HFM1: variants seen among roughly 807,000 people sequenced by gnomAD.
The protein encoded by HFM1 is helicase for meiosis 1.
Under a neutral mutation model 192.1 loss-of-function variants are expected in HFM1, and 169 were observed. The ratio of observed to expected loss-of-function variants is 0.88; its 90% CI spans 0.78 to 1.00. The LOEUF (loss-of-function observed/expected upper bound fraction) is 1.00, where lower values mean the gene tolerates loss of function less well. Ranked by LOEUF, HFM1 falls within the 50% of genes least tolerant of loss-of-function variation. HFM1 has a pLI of 0.00. For synonymous variants in HFM1, 525 were observed against 537.8 expected (o/e 0.98, Z 0.33); for missense variants, 1,661 against 1,668.0 (o/e 1.00, Z 0.07).
chr1:91,399,077 A>C (rs1664006037), intron 2 of HFM1, among the ~76,000 whole-genome samples: 2 of 152,120 alleles, frequency 1.3e-5, no homozygotes, highest in Admixed American at 1.3e-4. Flanking sequence ...AAGTTCTACT[A>C]TTTTATTCAT....
chr1:91,297,171 C>T (rs997003503), intron 30 of HFM1, among the ~76,000 whole-genome samples: 1 of 152,200 alleles, frequency 6.6e-6, no homozygotes, highest in African/African-American at 2.4e-5. Flanking sequence ...GAGGGTCCTA[C>T]AGCCACAGAG....
intron 13 of HFM1, among the ~76,000 whole-genome samples, chr1:91,354,834 G>T (rs1292596292): frequency 6.6e-6 from 1 of 152,064 alleles, no homozygotes; most frequent in Non-Finnish European, 1.5e-5. Flanking sequence ...TATAAGAAAT[G>T]ATTAAAGCAG....
At chr1:91,390,949 T>C (rs546974671) in intron 4 of HFM1, among the ~76,000 whole-genome samples, 138 of 152,226 alleles carry the variant, frequency 9.1e-4, no homozygotes, top group Non-Finnish European at 1.8e-3. Flanking sequence ...CAAGTATTCC[T>C]GTACACCAAT....
chr1:91,378,054 C>T lies in HFM1; in HGVS notation c.1366G>A (p.Val456Ile), dbSNP rs983941730. 1.9e-6 allele frequency: 3 copies of T among 1,612,150 alleles called. No individual in the cohort carries two copies. The highest frequency in any genetic ancestry group is 2.2e-5 in the South Asian group (2 of 90,914). Residue 456 changes from valine to isoleucine, a missense_variant, in exon 11 of 39, where the codon GTA (valine) becomes ATA (isoleucine). Val to Ile is a conservative substitution (Grantham distance 29). Coordinates refer to ENST00000370425, the MANE Select transcript of HFM1 (RefSeq NM_001017975.6). ...TCAGCATTTGGAATTGTTGCAGATA[C>T]AGCTACAAATCGCATTGGAATAGCA... is the stretch of plus-strand genomic sequence containing the variant. ...STAIPMRFVA[V>I]SATIPNAEDI...
At chr1:91,289,976 A>G (rs889511068) in intron 30 of HFM1, among the ~76,000 whole-genome samples, 2 of 152,152 alleles carry the variant, frequency 1.3e-5, no homozygotes, top group African/African-American at 4.8e-5. Context: ...GAGAAATAAA[A>G]TCCTTTACAG....
At chr1:91,362,219 C>T (rs904049342) in intron 13 of HFM1, among the ~76,000 whole-genome samples, 2 of 151,926 alleles carry the variant, frequency 1.3e-5, no homozygotes, top group East Asian at 1.9e-4. Flanking sequence ...GAAAGAAATA[C>T]AGGTATTTAA....
At chr1:91,264,575 G>A (rs867892822) in intron 36 of HFM1, among the ~76,000 whole-genome samples, 2 of 150,008 alleles carry the variant, frequency 1.3e-5, no homozygotes, top group Non-Finnish European at 3.0e-5. Flanking sequence ...GGGTTTCACC[G>A]TGTTAGCCAG....
rs544104445 is a variant in HFM1 at position 91,387,906 on chromosome 1, T to TA, written c.495-2073dup. On this transcript the variant is annotated intron_variant, in intron 4 of 38. Coordinates refer to ENST00000370425, the MANE Select transcript of HFM1 (RefSeq NM_001017975.6). ...CAATGTGCACATGTACCCTAAAACT[T>TA]AGAGTATAATTAAAAAAAAAAAATT... 3.2e-3 allele frequency among the ~76,000 whole-genome samples: 436 copies of TA among 135,918 alleles called. 2 individuals are homozygous for TA. The highest frequency in any genetic ancestry group is 0.011 in the African/African-American group (401 of 35,792). 89.2% of individuals were successfully genotyped at this position (135,918 alleles called of 152,430 possible). A position where few individuals can be genotyped will look rare whatever the true frequency, so the allele number is the denominator to read the frequency against.
At chr1:91,352,978 T>C (rs1223642684) in intron 15 of HFM1, 73 bp downstream of exon 15, 1 of 962,718 alleles carries the variant, frequency 1.0e-6, no homozygotes, top group Non-Finnish European at 1.6e-6. Context: ...CACTTGCGCT[T>C]TTTCCTTTTT....
intron 19 of HFM1, among the ~76,000 whole-genome samples, chr1:91,344,066 C>T (rs1055232454): frequency 6.6e-6 from 1 of 152,196 alleles, no homozygotes; most frequent in Non-Finnish European, 1.5e-5. Context: ...CTGTTTGCCA[C>T]TTTCTTGAAG....
At chr1:91,269,760 T>C (rs1415307792) in intron 34 of HFM1, among the ~76,000 whole-genome samples, 1 of 152,154 alleles carries the variant, frequency 6.6e-6, no homozygotes, top group Non-Finnish European at 1.5e-5. Flanking sequence ...GTAGTCGGAA[T>C]TTCAGCTTGA....
At chr1:91,299,232 A>G (rs537436147) in intron 30 of HFM1, among the ~76,000 whole-genome samples, 296 of 152,340 alleles carry the variant, frequency 1.9e-3, no homozygotes, top group African/African-American at 7.0e-3. Flanking sequence ...AAGAAGAGCT[A>G]ACTATCCTAA....
chr1:91,272,643 T>C (rs1446953935), intron 34 of HFM1, among the ~76,000 whole-genome samples: 2 of 151,972 alleles, frequency 1.3e-5, no homozygotes, highest in Non-Finnish European at 1.5e-5. Context: ...TATAAGAAGG[T>C]TGACAATTTT....
chr1:91,262,766 C>G (rs1665291956), intron 36 of HFM1, among the ~76,000 whole-genome samples, 174 bp from the exon 37 acceptor site: 1 of 151,930 alleles, frequency 6.6e-6, no homozygotes, highest in African/African-American at 2.4e-5. Context: ...TCCTTTAGAC[C>G]AAACCATAAT....
intron 33 of HFM1, among the ~76,000 whole-genome samples, chr1:91,274,347 A>C (rs1410006228): frequency 6.6e-6 from 1 of 152,040 alleles, no homozygotes; most frequent in Admixed American, 6.6e-5. Flanking sequence ...TCGTATTATA[A>C]ATCTGAGATA....
rs115473156 is a variant in HFM1, at chr1:91,286,666, C to T, written c.3392-9604G>A. Among the ~76,000 whole-genome samples the T allele has an allele frequency of 1.5e-3, 221 of 151,776 alleles. 3 individuals carry two copies. The East Asian group carries it at 0.023, about 16-fold the overall frequency. On this transcript the variant is annotated intron_variant, in intron 30 of 38. Coordinates refer to ENST00000370425, the MANE Select transcript of HFM1 (RefSeq NM_001017975.6). ...TTCACGACCGAGGAGCCAAGATGGC[C>T]GAATAGGAACATCTCCAGTCTACAG...
intron 25 of HFM1, among the ~76,000 whole-genome samples, chr1:91,318,179 C>T (rs1005634911): frequency 2.0e-5 from 3 of 152,106 alleles, no homozygotes; most frequent in African/African-American, 4.8e-5. Flanking sequence ...GTGAGCCTTT[C>T]CATCAGGAAT....
At chr1:91,323,918 AATT>A in intron 21 of HFM1, among the ~76,000 whole-genome samples, 1 of 152,206 alleles carries the variant, frequency 6.6e-6, no homozygotes, top group Non-Finnish European at 1.5e-5. Flanking sequence ...TCTACTGTGC[AATT>A]TTTACTACAA....
intron 30 of HFM1, among the ~76,000 whole-genome samples, chr1:91,311,159 G>A (rs1368755533): frequency 6.6e-6 from 1 of 152,202 alleles, no homozygotes; most frequent in African/African-American, 2.4e-5. Context: ...TTGGGAACTG[G>A]AGCAAAGGTG....
Sources: allele counts gnomAD v4.1 joint callset (sites outside exome capture counted in the v4.1 genomes callset), GRCh38; gene constraint gnomAD v4.1.1; transcripts MANE v1.5; gene names NCBI Gene and HGNC (gene_info 2026-07-23, HGNC 2026-07-21).